DNAJC10: variants seen among roughly 807,000 people sequenced by gnomAD.
The protein encoded by DNAJC10 is DnaJ heat shock protein family (Hsp40) member C10, also known as endoplasmic reticulum disulfide reductase DNAJC10.
In DNAJC10, 101 loss-of-function variants were observed where a neutral mutation model predicts 115.0. The observed-to-expected ratio is 0.88, with a 90% confidence interval of 0.75 to 1.04. The LOEUF (loss-of-function observed/expected upper bound fraction) is 1.04. Ranked by LOEUF, DNAJC10 falls within the 50% of genes least tolerant of loss-of-function variation. The pLI, the probability that DNAJC10 is intolerant of heterozygous loss-of-function variation, is 0.00. For missense variants in DNAJC10, 981 were observed against 928.8 expected (o/e 1.06, Z -0.73); for synonymous variants, 307 against 301.5 (o/e 1.02, Z -0.19).
chr2:182,751,876 G>C, intron 15 of DNAJC10, 91 bp downstream of exon 15: 1 of 1,493,832 alleles, frequency 6.7e-7, no homozygotes, highest in Non-Finnish European at 9.1e-7. Context: ...TGAATCATTA[G>C]TACAAAAACT....
At chr2:182,720,308 T>G (rs1693118302) in intron 4 of DNAJC10, 139 bp downstream of exon 4, 8 of 686,650 alleles carry the variant, frequency 1.2e-5, no homozygotes, top group Non-Finnish European at 2.0e-5. Flanking sequence ...GAGTGAAATT[T>G]AAAAGGAATG....
In DNAJC10 at chr2:182,756,440, T is replaced by G; in HGVS notation, c.1780T>G (p.Leu594Val). The part of the protein sequence containing the change: ...YSPWCHPCQV[L>V]MPEWKRMART... ...TCCGTGGTGTCATCCTTGCCAAGTC[T>G]TAATGCCAGAATGGAAAAGAATGGC... The change falls in exon 18 of 24, where the codon TTA (leucine) becomes GTA (valine). Residue 594 changes from leucine (L) to valine (V), a missense_variant. Coordinates refer to ENST00000264065, the MANE Select transcript of DNAJC10 (RefSeq NM_018981.4). 1 of 1,613,914 alleles carries G rather than the reference T, an allele frequency of 6.2e-7. No individual in the cohort carries two copies. Among genetic ancestry groups the G allele is most frequent in the Non-Finnish European group, 8.5e-7 (1 of 1,179,892 alleles).
At position 182,783,215 on chromosome 2, in the gene DNAJC10, T is replaced by C. The variant is rs1195990427; in HGVS notation, c.*6083T>C. ...ATGTTTGGAGGAAGTAAAATGTCTT[T>C]AAAAGAATAAGTGTTGATTTTTGGA... On this transcript the variant is annotated 3_prime_UTR_variant, in exon 24 of 24. Transcript: ENST00000264065. 2 of 151,972 alleles carry C rather than the reference T, an allele frequency of 1.3e-5. No individual in the cohort carries two copies. The highest frequency in any genetic ancestry group is 2.9e-5 in the Non-Finnish European group (2 of 67,838). The allele number at this position is 151,972 out of a possible 1,614,324, so 9.4% of individuals were successfully genotyped here.
intron 5 of DNAJC10, among the ~76,000 whole-genome samples, chr2:182,722,838 G>C (rs1014137309): frequency 2.0e-5 from 3 of 152,030 alleles, no homozygotes; most frequent in African/African-American, 7.2e-5. Flanking sequence ...TACTTGGGAG[G>C]CTGACGCACA....
intron 11 of DNAJC10, among the ~76,000 whole-genome samples, chr2:182,736,938 C>T (rs536977865): frequency 9.2e-5 from 14 of 152,152 alleles, no homozygotes; most frequent in African/African-American, 1.9e-4. Flanking sequence ...TTAGTAGAGA[C>T]GGGGTTTCGC....
At chr2:182,744,292 C>A (rs559976701) in intron 14 of DNAJC10, among the ~76,000 whole-genome samples, 1 of 152,068 alleles carries the variant, frequency 6.6e-6, no homozygotes, top group African/African-American at 2.4e-5. Context: ...GTTAAGTGAA[C>A]AACAGATACC....
rs1222176645 is a variant in DNAJC10 at position 182,781,896 on chromosome 2, G to C, written c.*4764G>C. On this transcript the variant is annotated 3_prime_UTR_variant, in exon 24 of 24. Coordinates refer to ENST00000264065, the MANE Select transcript of DNAJC10 (RefSeq NM_018981.4). ...GATTGCAAAAAGTTTCTCCCATTCT[G>C]TAGGTTGCCTGTTCACTCTGATCAT... 6 of 152,154 alleles carry C rather than the reference G, an allele frequency of 3.9e-5. No individual in the cohort carries two copies. The highest frequency in any genetic ancestry group is 3.9e-4 in the Admixed American group (6 of 15,264). 9.4% of individuals were successfully genotyped at this position (152,154 alleles called of 1,614,324 possible). A position where few individuals can be genotyped will look rare whatever the true frequency, so the allele number is the denominator to read the frequency against.
chr2:182,731,912 C>A (rs906572692), intron 9 of DNAJC10, among the ~76,000 whole-genome samples: 8 of 152,144 alleles, frequency 5.3e-5, no homozygotes, highest in African/African-American at 1.9e-4. Flanking sequence ...TCTGTTCATC[C>A]ACACATGAAC....
chr2:182,757,896 T>C, intron 19 of DNAJC10, 71 bp downstream of exon 19: 3 of 900,732 alleles, frequency 3.3e-6, no homozygotes, highest in South Asian at 2.4e-5. Flanking sequence ...TTAAGTTACC[T>C]GAACAAAATA....
chr2:182,764,794 A>G (rs769784814), intron 22 of DNAJC10, among the ~76,000 whole-genome samples: 9 of 152,140 alleles, frequency 5.9e-5, no homozygotes, highest in Non-Finnish European at 1.0e-4. Context: ...AGGAAGTCCT[A>G]ATCTCCAAAT....
chr2:182,741,915 G>A (rs753147974), intron 13 of DNAJC10, among the ~76,000 whole-genome samples: 5 of 151,722 alleles, frequency 3.3e-5, no homozygotes, highest in East Asian at 1.9e-4. Context: ...TAATCAAAAT[G>A]GATTCACTGT....
intron 11 of DNAJC10, among the ~76,000 whole-genome samples, chr2:182,736,789 G>A (rs1165908197): frequency 2.0e-5 from 3 of 151,848 alleles, no homozygotes; most frequent in Non-Finnish European, 4.4e-5. Context: ...CACTCTTGTC[G>A]CCCAGGCTGT....
rs776500320 is a variant in DNAJC10 at position 182,785,659 on chromosome 2, G to A, written c.*8527G>A. ...TCTTTAATGAAAAAGACAGAGAAAG[G>A]TATCGTATAGCTTAAAAGGAAAAAG... On this transcript the variant is annotated 3_prime_UTR_variant, in exon 24 of 24. Coordinates refer to ENST00000264065, the MANE Select transcript of DNAJC10 (RefSeq NM_018981.4). 1 of 151,998 alleles carries A rather than the reference G, an allele frequency of 6.6e-6. No homozygotes were observed. The highest frequency in any genetic ancestry group is 6.6e-5 in the Admixed American group (1 of 15,242). 9.4% of individuals were successfully genotyped at this position (151,998 alleles called of 1,614,324 possible).
chr2:182,758,633 G>A (rs1358305153), intron 19 of DNAJC10, among the ~76,000 whole-genome samples: 3 of 152,032 alleles, frequency 2.0e-5, no homozygotes, highest in Non-Finnish European at 4.4e-5. Flanking sequence ...GGGCTGTCTG[G>A]GGCACAAAGA....
intron 7 of DNAJC10, 189 bp downstream of exon 7, chr2:182,729,183 C>G: frequency 1.8e-6 from 1 of 548,058 alleles, no homozygotes; most frequent in Non-Finnish European, 3.1e-6. Flanking sequence ...GAGTCTCACT[C>G]TGTTGCCCAG....
At chr2:182,741,688 CAATA>C (rs1304541685) in intron 13 of DNAJC10, among the ~76,000 whole-genome samples, 9 of 152,026 alleles carry the variant, frequency 5.9e-5, no homozygotes, top group African/African-American at 1.9e-4. Context: ...AAAATCAGGA[CAATA>C]AATAAGTACA....
chr2:182,725,576 C>G (rs1693262615), intron 5 of DNAJC10, among the ~76,000 whole-genome samples: 1 of 152,044 alleles, frequency 6.6e-6, no homozygotes, highest in Admixed American at 6.5e-5. Flanking sequence ...TACAACATCC[C>G]CTTAGCGAAA....
In DNAJC10 at chr2:182,785,428, G is replaced by A. The variant is rs534029257; in HGVS notation, c.*8296G>A. 2 of 152,164 alleles carry A rather than the reference G, an allele frequency of 1.3e-5. No homozygotes were observed. The highest frequency in any genetic ancestry group is 6.5e-5 in the Admixed American group (1 of 15,280). 9.4% of individuals were successfully genotyped at this position (152,164 alleles called of 1,614,324 possible). A position where few individuals can be genotyped will look rare whatever the true frequency, so the allele number is the denominator to read the frequency against. On this transcript the variant is annotated 3_prime_UTR_variant, in exon 24 of 24. Coordinates refer to ENST00000264065, the MANE Select transcript of DNAJC10 (RefSeq NM_018981.4). ...AATGGGTGTACTGAATTCTCGCCCT[G>A]TAGTCAAGTACTTACTATGAGTTTG...
At chr2:182,736,026 C>G (rs912570721) in intron 10 of DNAJC10, among the ~76,000 whole-genome samples, 4 of 151,934 alleles carry the variant, frequency 2.6e-5, no homozygotes, top group Non-Finnish European at 5.9e-5. Context: ...AGGGAAAAAC[C>G]ATTTCTCAAG....
Sources: gnomAD v4.1 joint callset for allele counts (sites outside exome capture counted in the v4.1 genomes callset) on GRCh38, gnomAD v4.1.1 for gene constraint, MANE v1.5 for transcripts, NCBI Gene and HGNC (gene_info 2026-07-23, HGNC 2026-07-21) for gene names.